Variants in DAZAP1 observed in about 807,000 individuals in gnomAD.
The protein encoded by DAZAP1 is DAZ associated protein 1, also known as DAZ-associated protein 1.
In DAZAP1, 6 loss-of-function variants were observed where a neutral mutation model predicts 60.1. That is an observed-to-expected ratio of 0.10 (90% CI 0.05 to 0.20). DAZAP1 has a LOEUF of 0.20. Ranked by LOEUF, DAZAP1 falls within the 10% of genes least tolerant of loss-of-function variation. The pLI is 1.00. For synonymous variants in DAZAP1, 235 were observed against 215.9 expected, an observed-to-expected ratio of 1.09 and a Z score of -0.78; for missense variants, 366 against 560.4, an observed-to-expected ratio of 0.65 and a Z score of 3.50.
intron 10 of DAZAP1, among the ~76,000 whole-genome samples, chr19:1,431,180 G>A (rs2083441846): frequency 6.6e-6 from 1 of 151,300 alleles, no homozygotes. Flanking sequence ...CCAGGCTAGA[G>A]TGCAGTGGCG....
chr19:1,424,348 C>T (rs1322807724), intron 6 of DAZAP1, among the ~76,000 whole-genome samples: 2 of 112,690 alleles, frequency 1.8e-5, no homozygotes, highest in Non-Finnish European at 3.9e-5. Context: ...CCCTCCTCCT[C>T]CCCCTCCCCC....
intron 1 of DAZAP1, among the ~76,000 whole-genome samples, chr19:1,415,353 A>ACGTGTG (rs2082945899): frequency 2.7e-5 from 3 of 109,408 alleles, no homozygotes; most frequent in African/African-American, 1.1e-4. Context: ...TCAGGGTTTT[A>ACGTGTG]TGTGTGTGTG....
rs566908023 is a variant in DAZAP1 at position 1,430,091 on chromosome 19, C to G, written c.730+95C>G. 2.5e-6 allele frequency: 4 copies of G among 1,579,396 alleles called. No individual in the cohort carries two copies. The Admixed American group carries it at 6.9e-5, about 27-fold the overall frequency. ...GGGGCAGCCGGCAAAGCCTGGTTCC[C>G]GTGTCCTGAGTGCTGGAGAGGAAGA... On this transcript the variant is annotated intron_variant, in intron 9 of 11. Coordinates refer to ENST00000233078, the MANE Select transcript of DAZAP1 (RefSeq NM_018959.4).
At position 1,428,900 on chromosome 19, in the gene DAZAP1, G is replaced by T; in HGVS notation, c.605G>T (p.Gly202Val). ...DSKSQAPGQP[G>V]ASQWGSRVVP... ...AAGAGCCAAGCGCCGGGACAGCCAG[G>T]TGCCAGCCAGTGGGGGAGCCGGGTT... is the stretch of plus-strand genomic sequence containing the variant. Residue 202 changes from glycine to valine, a missense_variant, in exon 8 of 12, where the codon GGT becomes GTT. Physicochemically the swap from Gly to Val is moderately radical, Grantham distance 109. Around this residue, in one of 3 missense-constraint regions of DAZAP1, gnomAD observed 240 missense variants for 308.8 expected, o/e 0.78. Coordinates refer to ENST00000233078, the MANE Select transcript of DAZAP1 (RefSeq NM_018959.4). This position sits in a 1 kb window ranked among gnomAD's most constrained non-coding sequence, Gnocchi z 4.0. 1 of 1,613,008 alleles carries T rather than the reference G, an allele frequency of 6.2e-7. No homozygotes were observed. Among genetic ancestry groups the T allele is most frequent in the Non-Finnish European group, 8.5e-7 (1 of 1,179,868 alleles).
chr19:1,425,477 C>G lies in DAZAP1; in HGVS notation c.464-401C>G, dbSNP rs2083284156. Among the ~76,000 whole-genome samples, 1 of 152,246 alleles carries G rather than the reference C, an allele frequency of 6.6e-6. No homozygotes were observed. The highest frequency in any genetic ancestry group is 2.4e-5 in the African/African-American group (1 of 41,474). On this transcript the variant is annotated intron_variant, in intron 6 of 11. Transcript: ENST00000233078. This position sits in a 1 kb window ranked among gnomAD's most constrained non-coding sequence, Gnocchi z 5.4. ...ACAGGCGAGAGCCAGAATATTCAAG[C>G]ACGGGCCTCTGACCCTCCCCTGGGG...
intron 4 of DAZAP1, among the ~76,000 whole-genome samples, chr19:1,420,128 A>C (rs1245511718): frequency 6.6e-3 from 171 of 25,842 alleles, no homozygotes; most frequent in South Asian, 9.7e-3. Context: ...ACCATCCCGA[A>C]CGTCACGGCG....
In DAZAP1 at chr19:1,426,731, G is replaced by C. The variant is rs1241039813; in HGVS notation, c.546+771G>C. On this transcript the variant is annotated intron_variant, in intron 7 of 11. Transcript: ENST00000233078. The surrounding 1 kb of genome is among the most constrained non-coding windows in gnomAD (Gnocchi z 5.4). ...GTGGAATTTCTTGCAGTTAGCAAAA[G>C]CTTAGGGGTCCAGGTTTTTGCAGGA... 2 of 152,200 alleles carry C rather than the reference G, an allele frequency of 1.3e-5. No individual in the cohort carries two copies. The highest frequency in any genetic ancestry group is 2.9e-5 in the Non-Finnish European group (2 of 68,034). The allele number at this position is 152,200 out of a possible 1,614,324, so 9.4% of individuals were successfully genotyped here. A position where few individuals can be genotyped will look rare whatever the true frequency, so the allele number is the denominator to read the frequency against.
intron 1 of DAZAP1, among the ~76,000 whole-genome samples, chr19:1,409,187 C>T (rs2082754590): frequency 6.6e-6 from 1 of 152,240 alleles, no homozygotes; most frequent in African/African-American, 2.4e-5. Flanking sequence ...GGTCCGTGTG[C>T]CTGTGTGAGG....
In DAZAP1 at chr19:1,407,630, C is replaced by CCGCCGCCGCCGT. The variant is rs1569022677; in HGVS notation, c.-133_-132insTCGCCGCCGCCG. ...CGAGGGGAGGAGGCAGCCGCCGCCG[C>CCGCCGCCGCCGT]CGCCGCCGCCGCCGCCGCCGCCGCC... On this transcript the variant is annotated 5_prime_UTR_variant, in exon 1 of 12. Coordinates refer to ENST00000233078, the MANE Select transcript of DAZAP1 (RefSeq NM_018959.4). 1 of 754,996 alleles carries CCGCCGCCGCCGT rather than the reference C, an allele frequency of 1.3e-6. No homozygotes were observed. Among genetic ancestry groups the CCGCCGCCGCCGT allele is most frequent in the Non-Finnish European group, 1.6e-6 (1 of 620,740 alleles). The allele number at this position is 754,996 out of a possible 1,614,324, so 46.8% of individuals were successfully genotyped here.
intron 4 of DAZAP1, among the ~76,000 whole-genome samples, chr19:1,420,634 C>T (rs1403240800): frequency 6.6e-6 from 1 of 152,138 alleles, no homozygotes; most frequent in Admixed American, 6.5e-5. Context: ...GAGCAGGCGC[C>T]CTTGCCAGTG....
At chr19:1,410,401 GT>G (rs1428616261) in intron 1 of DAZAP1, among the ~76,000 whole-genome samples, 1 of 152,170 alleles carries the variant, frequency 6.6e-6, no homozygotes, top group African/African-American at 2.4e-5. Flanking sequence ...GCCTGTCCTG[GT>G]CCTCTTGTGA....
In DAZAP1 at chr19:1,407,619, AGCCGCCGCCGCCGCC is replaced by A. The variant is rs878911770; in HGVS notation, c.-126_-112del. On this transcript the variant is annotated 5_prime_UTR_variant, in exon 1 of 12. Transcript: ENST00000233078. ...ACCGTTGGCGCCGAGGGGAGGAGGCAGCCGCCGCCGCCGCCGCCGCCGCCGCCGCCGCCGCCGCCG... is the reference window on the plus strand; with the variant it reads ...ACCGTTGGCGCCGAGGGGAGGAGGCAGCCGCCGCCGCCGCCGCCGCCGCCG... 7.2e-4 allele frequency: 172 copies of A among 239,852 alleles called. No homozygotes were observed. Among genetic ancestry groups the A allele is most frequent in the Non-Finnish European group, 8.6e-4 (133 of 155,050 alleles). The allele number at this position is 239,852 out of a possible 1,614,324, so 14.9% of individuals were successfully genotyped here. A position where few individuals can be genotyped will look rare whatever the true frequency, so the allele number is the denominator to read the frequency against.
chr19:1,411,680 G>A (rs1056248587), intron 1 of DAZAP1, among the ~76,000 whole-genome samples: 13 of 152,218 alleles, frequency 8.5e-5, no homozygotes, highest in African/African-American at 2.7e-4. Context: ...AGCTGTGCTT[G>A]TAGCCTTGGC....
intron 6 of DAZAP1, among the ~76,000 whole-genome samples, chr19:1,424,933 T>C: frequency 6.6e-6 from 1 of 152,132 alleles, no homozygotes; most frequent in Non-Finnish European, 1.5e-5. Context: ...GGCGCACTCC[T>C]GCGCCTAGAG....
chr19:1,422,910 G>A lies in DAZAP1; in HGVS notation c.463+514G>A, dbSNP rs959136028. ...AGTCAGCAGGGCAGGTGGGAGGAGG[G>A]GTGAGGAGTCACCTCAGGGCCTCCC... On this transcript the variant is annotated intron_variant, in intron 6 of 11. Transcript: ENST00000233078. This position sits in a 1 kb window ranked among gnomAD's most constrained non-coding sequence, Gnocchi z 4.5. Among the ~76,000 whole-genome samples, 5 of 151,612 alleles carry A rather than the reference G, an allele frequency of 3.3e-5. No individual in the cohort carries two copies. Among genetic ancestry groups the A allele is most frequent in the African/African-American group, 1.2e-4 (5 of 41,100 alleles).
At chr19:1,421,044 C>A in intron 4 of DAZAP1, 104 bp from the exon 5 acceptor site, 2 of 965,530 alleles carry the variant, frequency 2.1e-6, no homozygotes, top group Non-Finnish European at 3.2e-6. Flanking sequence ...TGGCTTTCAG[C>A]TGACTCTTTA....
intron 10 of DAZAP1, among the ~76,000 whole-genome samples, chr19:1,431,801 C>T (rs2083459204): frequency 6.6e-6 from 1 of 152,190 alleles, no homozygotes; most frequent in African/African-American, 2.4e-5. Context: ...GGGATTGCAC[C>T]TCACAGCACG....
intron 1 of DAZAP1, among the ~76,000 whole-genome samples, chr19:1,412,409 ACTT>A (rs918667808): frequency 2.0e-5 from 3 of 152,270 alleles, no homozygotes; most frequent in Non-Finnish European, 4.4e-5. Context: ...CTGGGCCTGG[ACTT>A]CTGCCTCTTG....
At chr19:1,417,107 T>G in intron 1 of DAZAP1, 1 of 251,926 alleles carries the variant, frequency 4.0e-6, no homozygotes, top group Non-Finnish European at 7.7e-6. Flanking sequence ...ATTTCAGATG[T>G]AGACTTCTAC....
Sources: allele counts gnomAD v4.1 joint callset (sites outside exome capture counted in the v4.1 genomes callset), GRCh38; gene constraint gnomAD v4.1.1; regional missense constraint gnomAD v4.1.1; non-coding constraint Gnocchi (gnomAD v3.1); transcripts MANE v1.5; gene names NCBI Gene and HGNC (gene_info 2026-07-23, HGNC 2026-07-21).